CBLB: variants seen among roughly 807,000 people sequenced by gnomAD.
CBLB encodes Cbl proto-oncogene B, also known as E3 ubiquitin-protein ligase CBL-B.
In CBLB, 31 loss-of-function variants were observed where a neutral mutation model predicts 104.9. The ratio of observed to expected loss-of-function variants is 0.30; its 90% confidence interval spans 0.22 to 0.40. The LOEUF (loss-of-function observed/expected upper bound fraction) is 0.40, where lower values mean the gene tolerates loss of function less well. Ranked by LOEUF, CBLB falls within the 10% of genes least tolerant of loss-of-function variation. The pLI, the probability that CBLB is intolerant of heterozygous loss-of-function variation, is 1.00. For missense variants in CBLB, 1,062 were observed against 1,214.6 expected, an observed-to-expected ratio of 0.87 and a Z score of 1.87; for synonymous variants, 440 against 422.6, an observed-to-expected ratio of 1.04 and a Z score of -0.51.
intron 4 of CBLB, among the ~76,000 whole-genome samples, chr3:105,768,707 G>A (rs1230028615): frequency 1.3e-5 from 2 of 152,156 alleles, no homozygotes; most frequent in Non-Finnish European, 2.9e-5. Context: ...GACCTACATA[G>A]TAAACACATT....
At chr3:105,751,645 T>C in intron 4 of CBLB, 27 bp from the exon 5 acceptor site, 2 of 1,594,054 alleles carry the variant, frequency 1.3e-6, no homozygotes, top group Non-Finnish European at 1.7e-6. Context: ...AAAAGGGAAA[T>C]AATTGAATCA....
chr3:105,784,233 A>G lies in CBLB; in HGVS notation c.420-7691T>C, dbSNP rs2080681188. ...AAACCTTTAAAATGTAGACCACTCCATTGAGACAAAAAAGAAAAAATAATC... is the reference window on the plus strand; with the variant it reads ...AAACCTTTAAAATGTAGACCACTCCGTTGAGACAAAAAAGAAAAAATAATC... On this transcript the variant is annotated intron_variant, in intron 3 of 18. Transcript: ENST00000394030. 2.0e-5 allele frequency among the ~76,000 whole-genome samples: 3 copies of G among 152,194 alleles called. No individual in the cohort carries two copies. The South Asian group carries it at 6.2e-4, about 32-fold the overall frequency.
intron 4 of CBLB, chr3:105,762,037 T>C (rs986710252): frequency 6.6e-6 from 1 of 152,230 alleles, no homozygotes; most frequent in African/African-American, 2.4e-5. Context: ...TAGAGATCTG[T>C]GTAACTTTTA....
chr3:105,815,453 G>C (rs930213136), intron 3 of CBLB, among the ~76,000 whole-genome samples: 1 of 152,032 alleles, frequency 6.6e-6, no homozygotes, highest in Non-Finnish European at 1.5e-5. Context: ...ATTTCATGAT[G>C]TATCACTGGC....
intron 8 of CBLB, among the ~76,000 whole-genome samples, chr3:105,734,962 T>C (rs1465226675): frequency 6.6e-6 from 1 of 151,968 alleles, no homozygotes; most frequent in Non-Finnish European, 1.5e-5. Context: ...AATAAATTGG[T>C]AAATTTGAAA....
chr3:105,668,449 G>C (rs1427948560), intron 18 of CBLB, among the ~76,000 whole-genome samples: 1 of 152,086 alleles, frequency 6.6e-6, no homozygotes, highest in African/African-American at 2.4e-5. Context: ...TCCAGAGCTG[G>C]TGGTACTGAA....
intron 3 of CBLB, among the ~76,000 whole-genome samples, chr3:105,817,063 T>G (rs549471034): frequency 3.9e-5 from 6 of 152,134 alleles, no homozygotes; most frequent in Admixed American, 2.0e-4. Context: ...GACATGTTTT[T>G]AGAATTATGA....
At chr3:105,803,546 T>C (rs1560312864) in intron 3 of CBLB, among the ~76,000 whole-genome samples, 1 of 152,160 alleles carries the variant, frequency 6.6e-6, no homozygotes, top group Non-Finnish European at 1.5e-5. Context: ...CATTCTCAAG[T>C]CGAAAGTCAG....
At chr3:105,855,668 CA>C (rs1303988176) in intron 2 of CBLB, among the ~76,000 whole-genome samples, 3 of 151,966 alleles carry the variant, frequency 2.0e-5, no homozygotes, top group African/African-American at 7.3e-5. Context: ...TCATGACACC[CA>C]AAACTGGAAG....
chr3:105,682,792 C>T (rs1001035546), intron 14 of CBLB, among the ~76,000 whole-genome samples: 7 of 152,044 alleles, frequency 4.6e-5, no homozygotes, highest in Non-Finnish European at 7.4e-5. Flanking sequence ...CATGAGCCAC[C>T]GAACCCAGCC....
chr3:105,726,661 G>A (rs1313073089), intron 9 of CBLB, among the ~76,000 whole-genome samples: 1 of 151,788 alleles, frequency 6.6e-6, no homozygotes, highest in African/African-American at 2.4e-5. Flanking sequence ...CTATCAACCA[G>A]TCATCTACAT....
rs1260033425 is a variant in CBLB, at chr3:105,657,206, C to T, written c.*1764G>A. ...ACTCCTCTCCCAGGGTCAACTTAGT[C>T]TACGTGTCTTTTGTATAACATTAAT... On this transcript the variant is annotated 3_prime_UTR_variant, in exon 19 of 19. Coordinates refer to ENST00000394030, the MANE Select transcript of CBLB (RefSeq NM_170662.5). 2.2e-5 allele frequency: 5 copies of T among 222,300 alleles called. No individual in the cohort carries two copies. Among genetic ancestry groups the T allele is most frequent in the Non-Finnish European group, 4.5e-5 (5 of 111,278 alleles). 13.8% of individuals were successfully genotyped at this position (222,300 alleles called of 1,614,324 possible). A position where few individuals can be genotyped will look rare whatever the true frequency, so the allele number is the denominator to read the frequency against.
intron 3 of CBLB, among the ~76,000 whole-genome samples, chr3:105,784,258 C>A (rs1354706796): frequency 1.8e-4 from 28 of 152,086 alleles, no homozygotes; most frequent in Admixed American, 1.8e-3. Flanking sequence ...AAAAAATAAT[C>A]CATTCTTTCA....
rs541022157 is a variant in CBLB, at chr3:105,868,924, T to A, written c.-203A>T. 2.0e-4 allele frequency: 208 copies of A among 1,018,536 alleles called. No individual in the cohort carries two copies. The African/African-American group carries it at 3.4e-3, about 17-fold the overall frequency. 63.1% of individuals were successfully genotyped at this position (1,018,536 alleles called of 1,614,324 possible). A position where few individuals can be genotyped will look rare whatever the true frequency, so the allele number is the denominator to read the frequency against. ...ACGCAACAATTACCGTCAAGACAAA[T>A]CCACACCCGCTCTCCCCTCCCGCCC... On this transcript the variant is annotated 5_prime_UTR_variant, in exon 1 of 19. Coordinates refer to ENST00000394030, the MANE Select transcript of CBLB (RefSeq NM_170662.5).
chr3:105,816,638 G>A (rs898390108), intron 3 of CBLB, among the ~76,000 whole-genome samples: 2 of 152,134 alleles, frequency 1.3e-5, no homozygotes, highest in Non-Finnish European at 1.5e-5. Context: ...AGTGCATAAA[G>A]TAAGTTCTAC....
intron 3 of CBLB, among the ~76,000 whole-genome samples, chr3:105,796,508 T>C (rs2082274902): frequency 6.6e-6 from 1 of 152,062 alleles, no homozygotes; most frequent in African/African-American, 2.4e-5. Flanking sequence ...ACCTAGGAAA[T>C]ACCATTCTGG....
intron 3 of CBLB, among the ~76,000 whole-genome samples, chr3:105,835,046 G>A (rs2088233782): frequency 2.0e-5 from 3 of 152,108 alleles, no homozygotes; most frequent in Admixed American, 2.0e-4. Flanking sequence ...TAATCTCCAT[G>A]AACTATTAGC....
intron 10 of CBLB, among the ~76,000 whole-genome samples, chr3:105,709,460 A>G: frequency 6.6e-6 from 1 of 151,880 alleles, no homozygotes; most frequent in East Asian, 1.9e-4. Flanking sequence ...TTTTGGAATT[A>G]TAGGGAAATA....
At chr3:105,743,858 T>C (rs1441303596) in intron 6 of CBLB, among the ~76,000 whole-genome samples, 1 of 152,116 alleles carries the variant, frequency 6.6e-6, no homozygotes, top group Non-Finnish European at 1.5e-5. Flanking sequence ...TTACACATTA[T>C]AATTTGTTAT....
Sources: allele counts gnomAD v4.1 joint callset (sites outside exome capture counted in the v4.1 genomes callset), GRCh38; gene constraint gnomAD v4.1.1; transcripts MANE v1.5; gene names NCBI Gene and HGNC (gene_info 2026-07-23, HGNC 2026-07-21).